SFSWAP: variants seen among roughly 807,000 people sequenced by gnomAD.
The protein encoded by SFSWAP is splicing factor SWAP, also known as splicing factor, suppressor of white-apricot homolog.
Under a neutral mutation model 100.7 loss-of-function variants are expected in SFSWAP, and 17 were observed. The observed-to-expected ratio is 0.17, with a 90% CI of 0.12 to 0.25. The LOEUF (loss-of-function observed/expected upper bound fraction) is 0.25. Among genes scored for constraint, SFSWAP ranks in the 10% least tolerant of loss-of-function variants. The pLI is 1.00. For missense variants in SFSWAP, 1,005 were observed against 1,262.6 expected (o/e 0.80, Z 3.09); for synonymous variants, 504 against 510.1 (o/e 0.99, Z 0.16).
chr12:131,776,865 G>A (rs1359674938), intron 13 of SFSWAP, among the ~76,000 whole-genome samples: 5 of 152,224 alleles, frequency 3.3e-5, no homozygotes, highest in African/African-American at 1.2e-4. Flanking sequence ...GTAAAGAGGG[G>A]CAGGCTGCAG....
chr12:131,714,358 C>T lies in SFSWAP; in HGVS notation c.388+118C>T. Reference sequence around the variant, plus strand: ...CTTTCTGATATTATCTTGACAGTACCCAGTGGATTGGAAAAACAGGAGTCT... The same window carrying T: ...CTTTCTGATATTATCTTGACAGTACTCAGTGGATTGGAAAAACAGGAGTCT... On this transcript the variant is annotated intron_variant, in intron 2 of 17. Coordinates refer to ENST00000261674, the MANE Select transcript of SFSWAP (RefSeq NM_004592.4). This position sits in a 1 kb window ranked among gnomAD's most constrained non-coding sequence, Gnocchi z 6.0. The T allele has an allele frequency of 1.2e-6, 1 of 835,118 alleles. No individual in the cohort carries two copies. The highest frequency in any genetic ancestry group is 1.8e-6 in the Non-Finnish European group (1 of 551,818). 51.7% of individuals were successfully genotyped at this position (835,118 alleles called of 1,614,324 possible).
At chr12:131,783,772 C>G (rs1164352554) in intron 14 of SFSWAP, 1 of 103,868 alleles carries the variant, frequency 9.6e-6, no homozygotes, top group East Asian at 3.4e-4. Context: ...GAGTGAGACT[C>G]CGTCTCAAAA....
At chr12:131,749,517 A>G (rs950265862) in intron 7 of SFSWAP, among the ~76,000 whole-genome samples, 2 of 152,242 alleles carry the variant, frequency 1.3e-5, no homozygotes, top group East Asian at 1.9e-4. Context: ...TACAACATAC[A>G]AGGGGCTGTA....
At position 131,715,439 on chromosome 12, in the gene SFSWAP, C is replaced by T. The variant is rs558600704; in HGVS notation, c.520+486C>T. ...CACAGCTTCCTGGTAGCCTTGATGC[C>T]ACCTAGGGCATATACTTACCACAGT... On this transcript the variant is annotated intron_variant, in intron 3 of 17. Coordinates refer to ENST00000261674, the MANE Select transcript of SFSWAP (RefSeq NM_004592.4). Among the ~76,000 whole-genome samples, 5 of 152,302 alleles carry T rather than the reference C, an allele frequency of 3.3e-5. No individual in the cohort carries two copies. The South Asian group carries it at 1.0e-3, about 32-fold the overall frequency.
intron 14 of SFSWAP, among the ~76,000 whole-genome samples, chr12:131,781,118 C>T (rs188263503): frequency 1.3e-5 from 2 of 151,792 alleles, no homozygotes; most frequent in South Asian, 2.1e-4. Flanking sequence ...TAGAAAAGGT[C>T]ATTTTACATA....
In SFSWAP at chr12:131,730,338, A is replaced by G. The variant is rs1344096985; in HGVS notation, c.1081+1910A>G. 6.6e-6 allele frequency among the ~76,000 whole-genome samples: 1 copy of G among 152,192 alleles called. No homozygotes were observed. The highest frequency in any genetic ancestry group is 1.5e-5 in the Non-Finnish European group (1 of 68,030). On this transcript the variant is annotated intron_variant, in intron 7 of 17. Transcript: ENST00000261674. The surrounding 1 kb of genome is among the most constrained non-coding windows in gnomAD (Gnocchi z 4.0). ...CTGTCGTTGAGTTTGCTTGAACCAA[A>G]TGCATTGTCCGTGCACGTCCACCAG... is the stretch of plus-strand genomic sequence containing the variant.
At chr12:131,757,505 TC>T (rs1882284572) in intron 11 of SFSWAP, 1 of 152,692 alleles carries the variant, frequency 6.5e-6, no homozygotes, top group South Asian at 2.1e-4. Flanking sequence ...TGGAGCGACT[TC>T]AGAGATTTCT....
At chr12:131,788,346 G>C (rs1339944441) in intron 15 of SFSWAP, among the ~76,000 whole-genome samples, 3 of 152,196 alleles carry the variant, frequency 2.0e-5, no homozygotes, top group Non-Finnish European at 2.9e-5. Context: ...CTGAGCTGCC[G>C]TGCCCAGACA....
At chr12:131,740,227 C>T (rs1880472624) in intron 7 of SFSWAP, among the ~76,000 whole-genome samples, 1 of 152,120 alleles carries the variant, frequency 6.6e-6, no homozygotes, top group Non-Finnish European at 1.5e-5. Context: ...AGTTTTTTCA[C>T]GCTTGAAAAT....
intron 13 of SFSWAP, among the ~76,000 whole-genome samples, chr12:131,772,090 A>G (rs1365788565): frequency 6.6e-6 from 1 of 152,130 alleles, no homozygotes; most frequent in East Asian, 1.9e-4. Context: ...GCTGTTTGTC[A>G]TCAGTGTCAC....
intron 7 of SFSWAP, among the ~76,000 whole-genome samples, chr12:131,744,631 G>A (rs1285176397): frequency 6.6e-6 from 1 of 152,178 alleles, no homozygotes; most frequent in Non-Finnish European, 1.5e-5. Context: ...CCTCCAAACT[G>A]TTCTAACCTC....
chr12:131,735,339 T>C (rs1346428691), intron 7 of SFSWAP, among the ~76,000 whole-genome samples: 1 of 152,226 alleles, frequency 6.6e-6, no homozygotes, highest in Admixed American at 6.5e-5. Flanking sequence ...GCTTTGCTTC[T>C]CTAGGCCTCA....
At chr12:131,720,131 A>G (rs1349752786) in intron 4 of SFSWAP, among the ~76,000 whole-genome samples, 1 of 152,152 alleles carries the variant, frequency 6.6e-6, no homozygotes, top group Non-Finnish European at 1.5e-5. Flanking sequence ...CAGTTATATC[A>G]CATTAAATTA....
chr12:131,714,080 A>G lies in SFSWAP; in HGVS notation c.228A>G (p.Gly76=). The change falls in exon 2 of 18, where the codon GGA becomes GGG. Residue 76 remains glycine, a synonymous_variant. Transcript: ENST00000261674. The surrounding 1 kb of genome is among the most constrained non-coding windows in gnomAD (Gnocchi z 6.0). ...CTTGTTCACATTACAGATATGATGG[A>G]CGTGGTCACCTGCATGACCTTTCTG... ...DHKILIDRYD[G]RGHLHDLSEY... 1.2e-6 allele frequency: 2 copies of G among 1,613,090 alleles called. No individual in the cohort carries two copies. Among genetic ancestry groups the G allele is most frequent in the Non-Finnish European group, 1.7e-6 (2 of 1,179,478 alleles).
intron 13 of SFSWAP, among the ~76,000 whole-genome samples, chr12:131,769,446 C>T (rs1883401030): frequency 1.3e-5 from 2 of 152,208 alleles, no homozygotes; most frequent in Middle Eastern, 3.4e-3. Context: ...CATGACTATA[C>T]GTGTATGTCG....
chr12:131,746,465 A>G lies in SFSWAP; in HGVS notation c.1082-6658A>G, dbSNP rs766831801. On this transcript the variant is annotated intron_variant, in intron 7 of 17. Coordinates refer to ENST00000261674, the MANE Select transcript of SFSWAP (RefSeq NM_004592.4). ...TTGCAGTGTGCATTTGGTGAAATTG[A>G]CAGCTGGGTTTCCCTGTCCCCCGTC... 2.1e-4 allele frequency among the ~76,000 whole-genome samples: 32 copies of G among 152,158 alleles called. 1 individual carries two copies. The highest frequency in any genetic ancestry group is 1.8e-3 in the Admixed American group (27 of 15,284).
intron 4 of SFSWAP, among the ~76,000 whole-genome samples, chr12:131,720,615 G>A (rs926596616): frequency 5.3e-5 from 8 of 152,180 alleles, no homozygotes; most frequent in Non-Finnish European, 1.0e-4. Context: ...GTAGATGCCG[G>A]GAAAGCTCCG....
intron 15 of SFSWAP, among the ~76,000 whole-genome samples, chr12:131,793,464 A>C (rs975616420): frequency 6.6e-6 from 1 of 152,116 alleles, no homozygotes; most frequent in Admixed American, 6.6e-5. Flanking sequence ...TGTATGCAAA[A>C]TTTAATTCAG....
intron 13 of SFSWAP, among the ~76,000 whole-genome samples, chr12:131,769,349 G>A (rs745396155): frequency 2.0e-5 from 3 of 152,134 alleles, no homozygotes; most frequent in African/African-American, 7.2e-5. Context: ...AGTGGCGTAC[G>A]GGTTCTCATG....
Sources: gnomAD v4.1 joint callset for allele counts (sites outside exome capture counted in the v4.1 genomes callset) on GRCh38, gnomAD v4.1.1 for gene constraint, Gnocchi (gnomAD v3.1) non-coding constraint, MANE v1.5 for transcripts, NCBI Gene and HGNC (gene_info 2026-07-23, HGNC 2026-07-21) for gene names.